Variants in ANKS6 observed in about 807,000 individuals in gnomAD.
The protein encoded by ANKS6 is ankyrin repeat and SAM domain-containing protein 6.
ANKS6 carries 47 observed loss-of-function variants against 77.9 expected under a neutral mutation model. That is an observed-to-expected ratio of 0.60 (90% confidence interval 0.48 to 0.77). The LOEUF (loss-of-function observed/expected upper bound fraction) is 0.77. Among genes scored for constraint, ANKS6 ranks in the 30% least tolerant of loss-of-function variants. The pLI, the probability that ANKS6 is intolerant of heterozygous loss-of-function variation, is 0.00. For synonymous variants in ANKS6, 488 were observed against 501.7 expected, an observed-to-expected ratio of 0.97 and a Z score of 0.37; for missense variants, 1,150 against 1,159.1, an observed-to-expected ratio of 0.99 and a Z score of 0.11.
chr9:98,775,222 T>G (rs535941312), intron 8 of ANKS6, among the ~76,000 whole-genome samples: 1 of 152,380 alleles, frequency 6.6e-6, no homozygotes, highest in Non-Finnish European at 1.5e-5. Flanking sequence ...GCTATCTTTC[T>G]GGAAGCCAAT....
chr9:98,739,840 C>T (rs1026906357), intron 14 of ANKS6, among the ~76,000 whole-genome samples: 1 of 138,896 alleles, frequency 7.2e-6, no homozygotes, highest in Non-Finnish European at 1.5e-5. Context: ...CTGCAGGCTC[C>T]GCCCCCTGGG....
At chr9:98,758,992 T>C (rs74943185) in intron 11 of ANKS6, among the ~76,000 whole-genome samples, 2,429 of 152,302 alleles carry the variant, frequency 0.016, 65 homozygotes, top group African/African-American at 0.056. Flanking sequence ...GGTCATTCAT[T>C]TGAATACACT....
At chr9:98,777,549 C>G in intron 7 of ANKS6, 95 bp from the exon 8 acceptor site, 1 of 1,093,352 alleles carries the variant, frequency 9.1e-7, no homozygotes, top group South Asian at 1.3e-5. Flanking sequence ...GGAAAACCAA[C>G]TCTCCTGGGT....
At position 98,736,480 on chromosome 9, in the gene ANKS6, G is replaced by C. The variant is rs373845484; in HGVS notation, c.*39C>G. 9.9e-5 allele frequency: 155 copies of C among 1,571,854 alleles called. No individual in the cohort carries two copies. The highest frequency in any genetic ancestry group is 1.2e-4 in the Non-Finnish European group (144 of 1,156,956). On this transcript the variant is annotated 3_prime_UTR_variant, in exon 15 of 15. Coordinates refer to ENST00000353234, the MANE Select transcript of ANKS6 (RefSeq NM_173551.5). ...CTGTGGCCACGTGAAGGGGTCCCGG[G>C]ATTCAGAGAGCTCACGCTGGTGGCT...
Position 98,796,267 on chromosome 9 carries a change from G to T in ANKS6, c.225C>A (p.Asp75Glu). 1 of 1,352,570 alleles carries T rather than the reference G, an allele frequency of 7.4e-7. No individual in the cohort carries two copies. The highest frequency in any genetic ancestry group is 1.8e-5 in the South Asian group (1 of 55,248). 83.8% of individuals were successfully genotyped at this position (1,352,570 alleles called of 1,614,324 possible). A position where few individuals can be genotyped will look rare whatever the true frequency, so the allele number is the denominator to read the frequency against. The change falls in exon 1 of 15, where the codon GAC becomes GAA. Residue 75 changes from aspartate (D) to glutamate (E), a missense_variant. By Grantham distance (45) the Asp-to-Glu change is conservative. Coordinates refer to ENST00000353234, the MANE Select transcript of ANKS6 (RefSeq NM_173551.5). ...ACTGCAGTGCGGTGTTGCCCGCCTC[G>T]TCCGAGCAATCCACGGGCACCGGAG... ...VGAPVPVDCS[D>E]EAGNTALQFA... is the part of the protein sequence containing the mutation.
At chr9:98,776,181 C>CTATGA (rs1833908941) in intron 8 of ANKS6, among the ~76,000 whole-genome samples, 1 of 152,180 alleles carries the variant, frequency 6.6e-6, no homozygotes, top group Non-Finnish European at 1.5e-5. Context: ...CTGGGCCAGA[C>CTATGA]ACTATGCTAA....
intron 12 of ANKS6, 69 bp from the exon 13 acceptor site, chr9:98,751,165 A>T: frequency 8.4e-7 from 1 of 1,191,214 alleles, no homozygotes; most frequent in South Asian, 1.3e-5. Context: ...TCAAACCTTT[A>T]TAAAGTAGTG....
intron 9 of ANKS6, among the ~76,000 whole-genome samples, chr9:98,772,173 C>T (rs1241940723): frequency 6.6e-6 from 1 of 152,184 alleles, no homozygotes. Context: ...GTGCCCAAGT[C>T]AAGGATTTTG....
chr9:98,790,315 G>T lies in ANKS6; in HGVS notation c.651C>A (p.Pro217=). 6.2e-7 allele frequency: 1 copy of T among 1,607,932 alleles called. No individual in the cohort carries two copies. Among genetic ancestry groups the T allele is most frequent in the Non-Finnish European group, 8.5e-7 (1 of 1,176,430 alleles). ...AGCCCACGGTCCGGGCTGCGTGGTT[G>T]GGGTCCGCGCCCCACTCCATCAGTA... The part of the protein sequence containing the change: ...VRLLMEWGAD[P]NHAARTVGWS... The change falls in exon 2 of 15, where the codon CCC becomes CCA. Residue 217 remains proline (P), a synonymous_variant. Transcript: ENST00000353234.
chr9:98,785,607 G>C (rs1834520685), intron 2 of ANKS6, among the ~76,000 whole-genome samples: 1 of 152,132 alleles, frequency 6.6e-6, no homozygotes, highest in Non-Finnish European at 1.5e-5. Context: ...TGGGCCAGCA[G>C]GTACCCCATT....
At position 98,763,182 on chromosome 9, in the gene ANKS6, A is replaced by G. The variant is rs181431837; in HGVS notation, c.2142+4899T>C. Reference sequence around the variant, plus strand: ...TATAGAACTCCTCTCCCCCAACAATAACAACAGAATGCACTTTCTTTCCAA... The same window carrying G: ...TATAGAACTCCTCTCCCCCAACAATGACAACAGAATGCACTTTCTTTCCAA... On this transcript the variant is annotated intron_variant, in intron 11 of 14. Transcript: ENST00000353234. 2.0e-3 allele frequency among the ~76,000 whole-genome samples: 301 copies of G among 151,994 alleles called. 7 individuals carry two copies. The highest frequency in any genetic ancestry group is 2.2e-4 in the Non-Finnish European group (15 of 67,890).
chr9:98,776,928 G>C (rs1462850781), intron 8 of ANKS6, among the ~76,000 whole-genome samples: 1 of 152,218 alleles, frequency 6.6e-6, no homozygotes, highest in African/African-American at 2.4e-5. Context: ...TTGTTTACTT[G>C]AATGAAGTAG....
chr9:98,796,213 C>A lies in ANKS6; in HGVS notation c.279G>T (p.Leu93=), dbSNP rs1440539345. The part of the protein sequence containing the change: ...QFAAAGGHEP[L]VRFLLRRGAS... ...CACCGCGGCGCAGCAGGAAGCGCAC[C>A]AGCGGTTCGTGGCCCCCGGCCGCGG... The change falls in exon 1 of 15, where the codon CTG becomes CTT. Residue 93 remains leucine, a synonymous_variant. Coordinates refer to ENST00000353234, the MANE Select transcript of ANKS6 (RefSeq NM_173551.5). The A allele has an allele frequency of 1.9e-5, 27 of 1,415,474 alleles. No homozygotes were observed. The highest frequency in any genetic ancestry group is 2.5e-5 in the Non-Finnish European group (27 of 1,083,824). The allele number at this position is 1,415,474 out of a possible 1,614,324, so 87.7% of individuals were successfully genotyped here. A position where few individuals can be genotyped will look rare whatever the true frequency, so the allele number is the denominator to read the frequency against.
intron 13 of ANKS6, among the ~76,000 whole-genome samples, chr9:98,747,113 T>C (rs539652929): frequency 6.6e-6 from 1 of 152,342 alleles, no homozygotes; most frequent in East Asian, 1.9e-4. Flanking sequence ...TACAAACAGC[T>C]TTATGATCTA....
chr9:98,764,945 AT>A (rs1377613333), intron 11 of ANKS6, among the ~76,000 whole-genome samples: 1 of 152,216 alleles, frequency 6.6e-6, no homozygotes, highest in Non-Finnish European at 1.5e-5. Context: ...AAAATTGGAC[AT>A]ATTATATAGT....
intron 6 of ANKS6, among the ~76,000 whole-genome samples, chr9:98,779,389 A>T (rs985603892): frequency 6.6e-6 from 1 of 152,212 alleles, no homozygotes; most frequent in African/African-American, 2.4e-5. Flanking sequence ...TGCACAGTAA[A>T]GCAGAGGCTG....
chr9:98,772,268 T>G (rs1833682772), intron 9 of ANKS6, among the ~76,000 whole-genome samples: 2 of 152,150 alleles, frequency 1.3e-5, no homozygotes, highest in Admixed American at 1.3e-4. Context: ...AGAGGGAATT[T>G]TGACAAATGA....
chr9:98,774,022 G>T lies in ANKS6; in HGVS notation c.1676C>A (p.Pro559His). The T allele has an allele frequency of 6.4e-7, 1 of 1,566,156 alleles. No individual in the cohort carries two copies. Among genetic ancestry groups the T allele is most frequent in the Non-Finnish European group, 8.6e-7 (1 of 1,157,350 alleles). Residue 559 changes from proline to histidine, a missense_variant, in exon 9 of 15, where the codon CCC becomes CAC. Physicochemically the swap from Pro to His is moderately conservative, Grantham distance 77. Transcript: ENST00000353234. Reference sequence around the variant, plus strand: ...AAAACTGGAAGGGGGTAGGAATGGGGGGATGACTGCTTTCAGCTTGTCACT... The same window carrying T: ...AAAACTGGAAGGGGGTAGGAATGGGTGGATGACTGCTTTCAGCTTGTCACT... ...LPSDKLKAVI[P>H]PFLPPSSFEL...
rs1300867050 is a variant in ANKS6, at chr9:98,790,443, G to C, written c.523C>G (p.Pro175Ala). 2.5e-6 allele frequency: 4 copies of C among 1,613,704 alleles called. No individual in the cohort carries two copies. The highest frequency in any genetic ancestry group is 3.4e-6 in the Non-Finnish European group (4 of 1,180,024). ...CCCAACCCCAGTTGCTCGCCTGAAGGGTGGTGATGGTCCACAAAGGCACCG... is the reference window on the plus strand; with the variant it reads ...CCCAACCCCAGTTGCTCGCCTGAAGCGTGGTGATGGTCCACAAAGGCACCG... Reference protein sequence around the residue: ...EAGAFVDHHHPSGEQLGLGGS... With the variant: ...EAGAFVDHHHASGEQLGLGGS... The change falls in exon 2 of 15, where the codon CCT becomes GCT. Residue 175 changes from proline to alanine, a missense_variant. Coordinates refer to ENST00000353234, the MANE Select transcript of ANKS6 (RefSeq NM_173551.5).
Sources: gnomAD v4.1 joint callset for allele counts (sites outside exome capture counted in the v4.1 genomes callset) on GRCh38, gnomAD v4.1.1 for gene constraint, MANE v1.5 for transcripts, NCBI Gene and HGNC (gene_info 2026-07-23, HGNC 2026-07-21) for gene names.